Variants in ZNF280D observed in about 807,000 individuals in gnomAD.
The protein encoded by ZNF280D is suppressor of hairy wing homolog 4.
In ZNF280D, 39 loss-of-function variants were observed where a neutral mutation model predicts 94.7. The ratio of observed to expected loss-of-function variants is 0.41; its 90% CI spans 0.32 to 0.54. The LOEUF is 0.54. Among genes scored for constraint, ZNF280D ranks in the 20% least tolerant of loss-of-function variants. The pLI is 0.22. For synonymous variants in ZNF280D, 398 were observed against 377.6 expected (o/e 1.05, Z -0.63); for missense variants, 1,090 against 1,149.3 (o/e 0.95, Z 0.75).
rs745600359 is a variant in ZNF280D, at chr15:56,632,033, C to A, written c.2405G>T (p.Ser802Ile). ...EGSSTTKSEE[S>I]ITVSDKENET... ...ATTTTCCTTATCTGAAACTGTTATGCTTTCTTCACTTTTTGTTGTTGATGA... is the reference window on the plus strand; with the variant it reads ...ATTTTCCTTATCTGAAACTGTTATGATTTCTTCACTTTTTGTTGTTGATGA... Residue 802 changes from serine to isoleucine, a missense_variant, in exon 22 of 22, where the codon AGC (serine) becomes ATC (isoleucine). Physicochemically the swap from Ser to Ile is moderately radical, Grantham distance 142. Transcript: ENST00000267807. 6.8e-6 allele frequency: 11 copies of A among 1,613,190 alleles called. No homozygotes were observed. In the Admixed American group the frequency reaches 1.8e-4, roughly 27 times the overall value.
chr15:56,649,525 G>A (rs1324637449), intron 19 of ZNF280D, among the ~76,000 whole-genome samples: 1 of 151,916 alleles, frequency 6.6e-6, no homozygotes, highest in Admixed American at 6.6e-5. Flanking sequence ...GGTAGGATGA[G>A]AGAATCTAGG....
Position 56,653,088 on chromosome 15 carries a change from T to C in ZNF280D, c.2213+1110A>G, listed in dbSNP as rs528705320. On this transcript the variant is annotated intron_variant, in intron 19 of 21. Transcript: ENST00000267807. Reference sequence around the variant, plus strand: ...CAGAATTAATACTGGTTAATAGATTTTATATGTCAGTAAAAATAACTGCAA... The same window carrying C: ...CAGAATTAATACTGGTTAATAGATTCTATATGTCAGTAAAAATAACTGCAA... 9.1e-6 allele frequency: 9 copies of C among 986,660 alleles called. No homozygotes were observed. In the South Asian group the frequency reaches 4.2e-4, roughly 46 times the overall value. 61.1% of individuals were successfully genotyped at this position (986,660 alleles called of 1,614,324 possible).
chr15:56,631,142 T>C lies in ZNF280D; in HGVS notation c.*356A>G, dbSNP rs1049648054. 20 of 185,544 alleles carry C rather than the reference T, an allele frequency of 1.1e-4. No homozygotes were observed. Among genetic ancestry groups the C allele is most frequent in the Middle Eastern group, 2.3e-3 (1 of 426 alleles). 11.5% of individuals were successfully genotyped at this position (185,544 alleles called of 1,614,324 possible). ...TATACAGGTAATAAAGATTTTTAGCTTAGGATTGATGGAAGTTTGAAAGGC... is the reference window on the plus strand; with the variant it reads ...TATACAGGTAATAAAGATTTTTAGCCTAGGATTGATGGAAGTTTGAAAGGC... On this transcript the variant is annotated 3_prime_UTR_variant, in exon 22 of 22. Coordinates refer to ENST00000267807, the MANE Select transcript of ZNF280D (RefSeq NM_017661.4).
chr15:56,652,720 C>A, intron 19 of ZNF280D: 1 of 985,214 alleles, frequency 1.0e-6, no homozygotes, highest in Non-Finnish European at 1.2e-6. Context: ...TTAAAACTGG[C>A]TCTTAAGGTC....
intron 19 of ZNF280D, among the ~76,000 whole-genome samples, chr15:56,651,256 G>A (rs1465997249): frequency 2.0e-5 from 3 of 152,020 alleles, no homozygotes; most frequent in Admixed American, 1.3e-4. Flanking sequence ...GAATGATGAT[G>A]GACTCAAACT....
chr15:56,639,141 G>T (rs149276224), intron 20 of ZNF280D, among the ~76,000 whole-genome samples: 1,862 of 151,468 alleles, frequency 0.012, 15 homozygotes, highest in Middle Eastern at 0.031. Flanking sequence ...GAGAATTAAA[G>T]AACAAATAAA....
chr15:56,631,871 C>A lies in ZNF280D; in HGVS notation c.2567G>T (p.Ser856Ile). The A allele has an allele frequency of 6.2e-7, 1 of 1,613,748 alleles. No individual in the cohort carries two copies. Among genetic ancestry groups the A allele is most frequent in the Non-Finnish European group, 8.5e-7 (1 of 1,180,014 alleles). Reference sequence around the variant, plus strand: ...ATCAGATAAGATTATGTTTTCTGAACTTTGGCACATCTTCAACTCCATTTC... The same window carrying A: ...ATCAGATAAGATTATGTTTTCTGAAATTTGGCACATCTTCAACTCCATTTC... ...CQEMELKMCQ[S>I]SENIILSDQI... The change falls in exon 22 of 22, where the codon AGT becomes ATT. Residue 856 changes from serine to isoleucine, a missense_variant. Around this residue, in one of 3 missense-constraint regions of ZNF280D, gnomAD observed 577 missense variants for 568.8 expected, o/e 1.01. Coordinates refer to ENST00000267807, the MANE Select transcript of ZNF280D (RefSeq NM_017661.4).
intron 20 of ZNF280D, among the ~76,000 whole-genome samples, chr15:56,639,285 G>A (rs1192868836): frequency 1.3e-5 from 2 of 148,510 alleles, no homozygotes; most frequent in Non-Finnish European, 3.0e-5. Context: ...ACAATTAAAT[G>A]AGCTAAAAAA....
chr15:56,706,736 A>G (rs1224669740), intron 3 of ZNF280D, among the ~76,000 whole-genome samples: 3 of 152,142 alleles, frequency 2.0e-5, no homozygotes, highest in African/African-American at 7.2e-5. Context: ...GGGCACTGTC[A>G]TTGTTAATAT....
chr15:56,702,554 C>T (rs2057140962), intron 4 of ZNF280D, among the ~76,000 whole-genome samples: 1 of 152,128 alleles, frequency 6.6e-6, no homozygotes, highest in East Asian at 1.9e-4. Flanking sequence ...CATCTACAAT[C>T]AGTATAAATT....
At chr15:56,669,228 ATC>A (rs1487122960) in intron 13 of ZNF280D, among the ~76,000 whole-genome samples, 1 of 152,052 alleles carries the variant, frequency 6.6e-6, no homozygotes, top group African/African-American at 2.4e-5. Flanking sequence ...GTGGTGAGAA[ATC>A]TCTTTCGATT....
chr15:56,654,053 C>T, intron 19 of ZNF280D, 145 bp downstream of exon 19: 2 of 1,497,262 alleles, frequency 1.3e-6, no homozygotes, highest in Non-Finnish European at 1.8e-6. Context: ...AGAGCAGGAA[C>T]CTATTTCAAC....
At chr15:56,674,457 G>A (rs1596457684) in intron 13 of ZNF280D, among the ~76,000 whole-genome samples, 1 of 152,032 alleles carries the variant, frequency 6.6e-6, no homozygotes, top group South Asian at 2.1e-4. Context: ...GGAGACTTGA[G>A]AGATTTACAG....
intron 13 of ZNF280D, among the ~76,000 whole-genome samples, chr15:56,676,287 A>C (rs747796528): frequency 6.7e-6 from 1 of 149,120 alleles, no homozygotes; most frequent in South Asian, 2.1e-4. Flanking sequence ...ATAAATCCTC[A>C]GTCTTTTCTT....
At chr15:56,732,411 T>C (rs2058936101) in intron 1 of ZNF280D, among the ~76,000 whole-genome samples, 1 of 152,214 alleles carries the variant, frequency 6.6e-6, no homozygotes, top group Non-Finnish European at 1.5e-5. Flanking sequence ...GTGCCTTCCC[T>C]GGTTAAGTTT....
At chr15:56,728,238 G>A (rs1197172831) in intron 1 of ZNF280D, among the ~76,000 whole-genome samples, 4 of 152,098 alleles carry the variant, frequency 2.6e-5, no homozygotes, top group Non-Finnish European at 5.9e-5. Context: ...GCCCAGGCTA[G>A]TCTCAAACTC....
intron 13 of ZNF280D, among the ~76,000 whole-genome samples, chr15:56,675,719 C>T (rs1433690477): frequency 1.3e-5 from 2 of 151,914 alleles, no homozygotes; most frequent in Non-Finnish European, 2.9e-5. Context: ...TTAAAAACAG[C>T]AAGTCAATTT....
At chr15:56,690,629 A>G (rs2056371783) in intron 7 of ZNF280D, among the ~76,000 whole-genome samples, 1 of 152,166 alleles carries the variant, frequency 6.6e-6, no homozygotes, top group Admixed American at 6.5e-5. Context: ...CCATTTTGTT[A>G]AGGCTGAAGG....
chr15:56,668,864 T>C lies in ZNF280D; in HGVS notation c.1504A>G (p.Ile502Val), dbSNP rs2054481180. ...DHKTQHHRTF[I>V]KPKQLEGLPP... ...AATCCTTCTAGTTGTTTAGGTTTTATAAATGTTCGATGGTGTTGAGTCTTA... is the reference window on the plus strand; with the variant it reads ...AATCCTTCTAGTTGTTTAGGTTTTACAAATGTTCGATGGTGTTGAGTCTTA... The change falls in exon 14 of 22, where the codon ATA becomes GTA. Residue 502 changes from isoleucine to valine, a missense_variant. Ile to Val is a conservative substitution (Grantham distance 29). Transcript: ENST00000267807. The C allele has an allele frequency of 1.9e-6, 3 of 1,611,008 alleles. No individual in the cohort carries two copies. Among genetic ancestry groups the C allele is most frequent in the Non-Finnish European group, 2.5e-6 (3 of 1,178,676 alleles).
Sources: gnomAD v4.1 joint callset for allele counts (sites outside exome capture counted in the v4.1 genomes callset) on GRCh38, gnomAD v4.1.1 for gene constraint, gnomAD v4.1.1 regional missense constraint, MANE v1.5 for transcripts, NCBI Gene and HGNC (gene_info 2026-07-23, HGNC 2026-07-21) for gene names.